The following CAPZA1 variants were observed in gnomAD, a reference collection of about 807,000 sequenced individuals.
The protein encoded by CAPZA1 is F-actin-capping protein subunit alpha-1.
CAPZA1 carries 10 observed loss-of-function variants against 40.8 expected under a neutral mutation model. The ratio of observed to expected loss-of-function variants is 0.25; its 90% CI spans 0.15 to 0.42. The LOEUF (loss-of-function observed/expected upper bound fraction) is 0.42. Ranked by LOEUF, CAPZA1 falls within the 10% of genes least tolerant of loss-of-function variation. The pLI, the probability that CAPZA1 is intolerant of heterozygous loss-of-function variation, is 1.00. For synonymous variants in CAPZA1, 98 were observed against 115.0 expected, an observed-to-expected ratio of 0.85 and a Z score of 0.95; for missense variants, 277 against 353.8, an observed-to-expected ratio of 0.78 and a Z score of 1.74.
At chr1:112,669,511 T>C in intron 8 of CAPZA1, 32 bp from the exon 9 acceptor site, 1 of 1,501,032 alleles carries the variant, frequency 6.7e-7, no homozygotes, top group East Asian at 2.3e-5. Context: ...TAAAAAAAAA[T>C]CTGATTTTCC....
intron 8 of CAPZA1, among the ~76,000 whole-genome samples, chr1:112,669,247 T>A (rs1475004067): frequency 1.3e-5 from 2 of 152,160 alleles, no homozygotes; most frequent in Non-Finnish European, 2.9e-5. Context: ...ACAGCATGGG[T>A]TTTTTTGGTG....
chr1:112,655,464 G>A (rs2101174947), intron 5 of CAPZA1, among the ~76,000 whole-genome samples: 1 of 150,688 alleles, frequency 6.6e-6, no homozygotes, highest in East Asian at 2.0e-4. Context: ...GCAACAGAGT[G>A]AGACACTGTC....
rs762276655 is a variant in CAPZA1, at chr1:112,619,835, A to C, written c.-10A>C. ...GCGCCCGTAGCCGGGCTGGGCCAGA[A>C]CAGCCCAAGATGGCCGACTTCGATG... On this transcript the variant is annotated 5_prime_UTR_variant, in exon 1 of 10. Coordinates refer to ENST00000263168, the MANE Select transcript of CAPZA1 (RefSeq NM_006135.3). 8.7e-6 allele frequency: 14 copies of C among 1,612,424 alleles called. No homozygotes were observed. Among genetic ancestry groups the C allele is most frequent in the Non-Finnish European group, 1.2e-5 (14 of 1,179,196 alleles).
Position 112,670,927 on chromosome 1 carries a change from G to C in CAPZA1, c.*795G>C, listed in dbSNP as rs1385464653. On this transcript the variant is annotated 3_prime_UTR_variant, in exon 10 of 10. Coordinates refer to ENST00000263168, the MANE Select transcript of CAPZA1 (RefSeq NM_006135.3). ...GAACTGCTGACGTACTGTGGATGTA[G>C]AGTATAAAACTTGAAAAATGCAGAT... 2.6e-5 allele frequency: 4 copies of C among 152,622 alleles called. No homozygotes were observed. Among genetic ancestry groups the C allele is most frequent in the African/African-American group, 9.6e-5 (4 of 41,452 alleles). 9.5% of individuals were successfully genotyped at this position (152,622 alleles called of 1,614,324 possible). A position where few individuals can be genotyped will look rare whatever the true frequency, so the allele number is the denominator to read the frequency against.
At chr1:112,635,548 A>G (rs1670997042) in intron 1 of CAPZA1, among the ~76,000 whole-genome samples, 1 of 131,068 alleles carries the variant, frequency 7.6e-6, no homozygotes, top group Non-Finnish European at 1.6e-5. Context: ...TGTGTTTGTC[A>G]AGGACTTTTT....
intron 1 of CAPZA1, among the ~76,000 whole-genome samples, chr1:112,630,228 A>C (rs1670893959): frequency 6.6e-6 from 1 of 152,062 alleles, no homozygotes; most frequent in African/African-American, 2.4e-5. Context: ...TTGTAGAAAC[A>C]GTCTCACTAT....
At chr1:112,623,165 G>C (rs751625891) in intron 1 of CAPZA1, among the ~76,000 whole-genome samples, 17 of 152,154 alleles carry the variant, frequency 1.1e-4, no homozygotes, top group Admixed American at 4.6e-4. Context: ...GATTGCAGGC[G>C]TGAGTCACTG....
In CAPZA1 at chr1:112,624,770, T is replaced by C. The variant is rs530152381; in HGVS notation, c.39+4887T>C. On this transcript the variant is annotated intron_variant, in intron 1 of 9. Transcript: ENST00000263168. ...GGTGGGCCTCAATTTCCATCTAAAA[T>C]AGAGAAGTAGGGAGGAATTGGATCA... is the stretch of plus-strand genomic sequence containing the variant. Among the ~76,000 whole-genome samples, 9 of 152,250 alleles carry C rather than the reference T, an allele frequency of 5.9e-5. No homozygotes were observed. The South Asian group carries it at 1.9e-3, about 32-fold the overall frequency.
At chr1:112,643,708 C>T (rs529174133) in intron 1 of CAPZA1, among the ~76,000 whole-genome samples, 55 of 152,294 alleles carry the variant, frequency 3.6e-4, no homozygotes, top group African/African-American at 1.2e-3. Context: ...CTACCTTGCT[C>T]CATCAATCAC....
intron 1 of CAPZA1, among the ~76,000 whole-genome samples, chr1:112,630,218 T>C (rs1670893776): frequency 6.6e-6 from 1 of 152,072 alleles, no homozygotes; most frequent in Non-Finnish European, 1.5e-5. Context: ...AGTATTTTTT[T>C]TGTAGAAACA....
chr1:112,623,652 G>A (rs1670729651), intron 1 of CAPZA1, among the ~76,000 whole-genome samples: 1 of 149,750 alleles, frequency 6.7e-6, no homozygotes, highest in South Asian at 2.1e-4. Context: ...TTGCACTCCA[G>A]CCTGGGCAAC....
chr1:112,664,013 C>T (rs1445093921), intron 7 of CAPZA1, among the ~76,000 whole-genome samples: 1 of 151,948 alleles, frequency 6.6e-6, no homozygotes, highest in African/African-American at 2.4e-5. Context: ...GCAGGGGGAT[C>T]ATGAGGTCAA....
intron 1 of CAPZA1, among the ~76,000 whole-genome samples, chr1:112,626,586 TTTCAC>T (rs1670812712): frequency 6.6e-6 from 1 of 152,172 alleles, no homozygotes; most frequent in Non-Finnish European, 1.5e-5. Flanking sequence ...CAGACACACT[TTTCAC>T]TTAATAATAT....
intron 1 of CAPZA1, among the ~76,000 whole-genome samples, chr1:112,640,181 G>A (rs1464372972): frequency 8.1e-6 from 1 of 123,426 alleles, no homozygotes; most frequent in Non-Finnish European, 1.8e-5. Context: ...CAGTCCGGGA[G>A]GGAGGTGGGG....
intron 1 of CAPZA1, among the ~76,000 whole-genome samples, chr1:112,638,999 ATATT>A (rs1671083190): frequency 2.1e-5 from 3 of 145,002 alleles, no homozygotes; most frequent in African/African-American, 5.3e-5. Flanking sequence ...ATATAATTAT[ATATT>A]ATATAATTTT....
At chr1:112,641,325 A>G (rs1419618310) in intron 1 of CAPZA1, among the ~76,000 whole-genome samples, 2 of 152,118 alleles carry the variant, frequency 1.3e-5, no homozygotes. Context: ...GAGGTAAGCC[A>G]AAAAAAGAAA....
At chr1:112,663,125 C>T (rs1048024531) in intron 7 of CAPZA1, among the ~76,000 whole-genome samples, 1 of 151,732 alleles carries the variant, frequency 6.6e-6, no homozygotes, top group Non-Finnish European at 1.5e-5. Flanking sequence ...CCACCACGCC[C>T]AGCTAATTTT....
intron 1 of CAPZA1, among the ~76,000 whole-genome samples, chr1:112,645,995 C>T (rs1056851227): frequency 4.6e-5 from 7 of 151,462 alleles, no homozygotes; most frequent in African/African-American, 1.7e-4. Flanking sequence ...GGAAAATGGG[C>T]ACAGACGAAG....
At chr1:112,662,885 G>A (rs957981743) in intron 7 of CAPZA1, among the ~76,000 whole-genome samples, 7 of 143,728 alleles carry the variant, frequency 4.9e-5, no homozygotes, top group African/African-American at 1.8e-4. Context: ...AGAAGTTCTT[G>A]TTTCTTCTAT....
Sources: gnomAD v4.1 joint callset for allele counts (sites outside exome capture counted in the v4.1 genomes callset) on GRCh38, gnomAD v4.1.1 for gene constraint, MANE v1.5 for transcripts, NCBI Gene and HGNC (gene_info 2026-07-23, HGNC 2026-07-21) for gene names.